The following CDK19 variants were observed in gnomAD, a reference collection of about 807,000 sequenced individuals.
The protein encoded by CDK19 is cyclin-dependent kinase 19.
A neutral mutation model predicts 68.3 loss-of-function variants in CDK19; 20 were observed. The observed-to-expected ratio is 0.29, with a 90% CI of 0.21 to 0.43. CDK19 has a LOEUF of 0.43. Ranked by LOEUF, CDK19 falls within the 20% of genes least tolerant of loss-of-function variation. The pLI, the probability that CDK19 is intolerant of heterozygous loss-of-function variation, is 1.00. For synonymous variants in CDK19, 221 were observed against 222.8 expected (o/e 0.99, Z 0.07); for missense variants, 339 against 623.5 (o/e 0.54, Z 4.86).
rs373536633 is a variant in CDK19, at chr6:110,753,546, A to AT, written c.129-7346dup. ...TATAGGTGTGCACCACCACACCTGG[A>AT]TTTTTTTTTTTTTTTTTCCTGTAGC... On this transcript the variant is annotated intron_variant, in intron 1 of 12. Coordinates refer to ENST00000368911, the MANE Select transcript of CDK19 (RefSeq NM_015076.5). Among the ~76,000 whole-genome samples the AT allele has an allele frequency of 1.9e-3, 255 of 134,334 alleles. 1 individual carries two copies. Among genetic ancestry groups the AT allele is most frequent in the East Asian group, 3.4e-3 (16 of 4,638 alleles). The allele number at this position is 134,334 out of a possible 152,430, so 88.1% of individuals were successfully genotyped here.
chr6:110,812,812 TAAA>T (rs66478846), intron 1 of CDK19, among the ~76,000 whole-genome samples: 6 of 101,608 alleles, frequency 5.9e-5, no homozygotes, highest in Non-Finnish European at 4.4e-5. Flanking sequence ...TTTAAAACAG[TAAA>T]AAAAAAAAAA....
intron 2 of CDK19, among the ~76,000 whole-genome samples, chr6:110,723,048 A>G (rs532649914): frequency 1.3e-5 from 2 of 149,622 alleles, no homozygotes; most frequent in African/African-American, 4.9e-5. Flanking sequence ...CAAGAGGTGA[A>G]GTCTAATTCC....
intron 5 of CDK19, among the ~76,000 whole-genome samples, chr6:110,635,527 T>C (rs1003816993): frequency 1.3e-5 from 2 of 152,156 alleles, no homozygotes; most frequent in African/African-American, 4.8e-5. Flanking sequence ...AGTATCCTTT[T>C]CTTACCCACT....
chr6:110,642,126 C>A (rs1343120134), intron 4 of CDK19, among the ~76,000 whole-genome samples: 1 of 151,758 alleles, frequency 6.6e-6, no homozygotes, highest in Non-Finnish European at 1.5e-5. Flanking sequence ...CATGGTGAAA[C>A]CCCGTCTCTA....
chr6:110,651,244 T>TCTATCTAC (rs1554197924), intron 4 of CDK19, among the ~76,000 whole-genome samples: 11 of 151,548 alleles, frequency 7.3e-5, no homozygotes, highest in Admixed American at 3.3e-4. Context: ...TATCTATCTA[T>TCTATCTAC]CTATCTATCT....
At chr6:110,624,115 T>G (rs946352846) in intron 8 of CDK19, among the ~76,000 whole-genome samples, 1 of 151,802 alleles carries the variant, frequency 6.6e-6, no homozygotes, top group Non-Finnish European at 1.5e-5. Context: ...TATAAAAAGT[T>G]GAAAGACAAT....
intron 6 of CDK19, 131 bp from the exon 7 acceptor site, chr6:110,627,276 C>T (rs1779147928): frequency 1.6e-6 from 1 of 621,606 alleles, no homozygotes; most frequent in Non-Finnish European, 2.6e-6. Context: ...ATTAAGAGAA[C>T]ATTATTGTAC....
At chr6:110,653,792 T>C (rs1469052566) in intron 4 of CDK19, among the ~76,000 whole-genome samples, 1 of 152,238 alleles carries the variant, frequency 6.6e-6, no homozygotes, top group Non-Finnish European at 1.5e-5. Context: ...TTTATATTCA[T>C]GATACTTAAC....
intron 2 of CDK19, among the ~76,000 whole-genome samples, chr6:110,681,832 G>A (rs1336636717): frequency 6.6e-6 from 1 of 152,136 alleles, no homozygotes; most frequent in Non-Finnish European, 1.5e-5. Context: ...TGATCCCACT[G>A]GAGCCTAATG....
intron 2 of CDK19, among the ~76,000 whole-genome samples, chr6:110,730,920 C>T (rs562538727): frequency 3.9e-5 from 6 of 152,058 alleles, no homozygotes; most frequent in South Asian, 2.1e-4. Flanking sequence ...GGCATGGTGG[C>T]GCATGCCTGT....
At position 110,686,518 on chromosome 6, in the gene CDK19, T is replaced by C. The variant is rs17071967; in HGVS notation, c.205-15977A>G. Among the ~76,000 whole-genome samples, 1,441 of 152,312 alleles carry C rather than the reference T, an allele frequency of 9.5e-3. 23 individuals are homozygous for C. The highest frequency in any genetic ancestry group is 0.033 in the African/African-American group (1,370 of 41,556). Reference sequence around the variant, plus strand: ...ACTACATGATAGGGTGTATCTCTTATCTTTCCATATGAATATTAATAAAAT... The same window carrying C: ...ACTACATGATAGGGTGTATCTCTTACCTTTCCATATGAATATTAATAAAAT... On this transcript the variant is annotated intron_variant, in intron 2 of 12. Transcript: ENST00000368911.
intron 1 of CDK19, among the ~76,000 whole-genome samples, chr6:110,762,984 T>G (rs1000534397): frequency 6.6e-6 from 1 of 152,162 alleles, no homozygotes; most frequent in Non-Finnish European, 1.5e-5. Flanking sequence ...TCAAATAAGA[T>G]AGAGGTTTAC....
chr6:110,679,822 T>C (rs1482759150), intron 2 of CDK19, among the ~76,000 whole-genome samples: 1 of 152,214 alleles, frequency 6.6e-6, no homozygotes, highest in Non-Finnish European at 1.5e-5. Flanking sequence ...TTATATGTTA[T>C]TTATTGTCTG....
intron 1 of CDK19, among the ~76,000 whole-genome samples, chr6:110,812,488 A>G (rs1783182782): frequency 6.6e-6 from 1 of 152,172 alleles, no homozygotes; most frequent in Admixed American, 6.5e-5. Context: ...CCTCTTATAA[A>G]TTTGTGATAT....
intron 5 of CDK19, among the ~76,000 whole-genome samples, chr6:110,634,214 TTTGTC>T (rs1779615713): frequency 6.6e-6 from 1 of 152,122 alleles, no homozygotes; most frequent in Non-Finnish European, 1.5e-5. Context: ...ATTTCGGGTC[TTTGTC>T]TTGTGTTTTT....
intron 4 of CDK19, among the ~76,000 whole-genome samples, chr6:110,660,078 C>T (rs574852901): frequency 1.3e-5 from 2 of 152,286 alleles, no homozygotes; most frequent in Non-Finnish European, 2.9e-5. Flanking sequence ...GGTATCTTCC[C>T]ACCTTATCCT....
chr6:110,754,648 T>A (rs2114920231), intron 1 of CDK19, among the ~76,000 whole-genome samples: 1 of 151,960 alleles, frequency 6.6e-6, no homozygotes, highest in South Asian at 2.1e-4. Context: ...CCCAGCTAAT[T>A]TTTTTGCATT....
Sources: allele counts gnomAD v4.1 joint callset (sites outside exome capture counted in the v4.1 genomes callset), GRCh38; gene constraint gnomAD v4.1.1; transcripts MANE v1.5; gene names NCBI Gene and HGNC (gene_info 2026-07-23, HGNC 2026-07-21).